Variants in KATNIP observed in about 807,000 individuals in gnomAD.
KATNIP encodes katanin interacting protein.
Under a neutral mutation model 174.0 loss-of-function variants are expected in KATNIP, and 126 were observed. That is an observed-to-expected ratio of 0.72 (90% confidence interval 0.63 to 0.84). The LOEUF (loss-of-function observed/expected upper bound fraction) is 0.84. Among genes scored for constraint, KATNIP ranks in the 40% least tolerant of loss-of-function variants. KATNIP has a pLI of 0.00. For synonymous variants in KATNIP, 810 were observed against 835.7 expected (o/e 0.97, Z 0.53); for missense variants, 1,958 against 2,109.7 (o/e 0.93, Z 1.41).
chr16:27,723,694 A>C (rs1178606997), intron 14 of KATNIP, among the ~76,000 whole-genome samples: 1 of 152,166 alleles, frequency 6.6e-6, no homozygotes, highest in African/African-American at 2.4e-5. Flanking sequence ...ATCCTTACTG[A>C]TATCCAGATG....
intron 4 of KATNIP, among the ~76,000 whole-genome samples, chr16:27,630,313 T>G (rs2076447877): frequency 6.6e-6 from 1 of 152,204 alleles, no homozygotes; most frequent in Admixed American, 6.5e-5. Flanking sequence ...TTAAATGATG[T>G]AAGAAATGTA....
intron 2 of KATNIP, among the ~76,000 whole-genome samples, chr16:27,580,373 A>C (rs551977434): frequency 6.6e-6 from 1 of 152,116 alleles, no homozygotes; most frequent in African/African-American, 2.4e-5. Context: ...TTGGCCTCCC[A>C]AAGTTCTGGG....
At chr16:27,702,859 G>A (rs890702753) in intron 11 of KATNIP, among the ~76,000 whole-genome samples, 7 of 152,076 alleles carry the variant, frequency 4.6e-5, no homozygotes, top group Non-Finnish European at 1.0e-4. Context: ...ATAAGAACTC[G>A]CAGATTCCCC....
chr16:27,762,162 TCCCCTG>T (rs2081977826), intron 19 of KATNIP, among the ~76,000 whole-genome samples: 1 of 152,116 alleles, frequency 6.6e-6, no homozygotes, highest in Non-Finnish European at 1.5e-5. Flanking sequence ...AGCACTCAGT[TCCCCTG>T]CCCTGCACAG....
At chr16:27,603,101 T>C (rs1276057468) in intron 2 of KATNIP, among the ~76,000 whole-genome samples, 2 of 152,228 alleles carry the variant, frequency 1.3e-5, no homozygotes, top group Admixed American at 1.3e-4. Context: ...GCTTGGGCCA[T>C]CTGGTTGTCA....
intron 3 of KATNIP, among the ~76,000 whole-genome samples, chr16:27,622,503 G>A (rs149037240): frequency 3.6e-4 from 55 of 152,262 alleles, no homozygotes; most frequent in South Asian, 1.5e-3. Flanking sequence ...GATGAAGATC[G>A]ACTGAGAAGA....
intron 2 of KATNIP, among the ~76,000 whole-genome samples, chr16:27,602,319 C>T (rs1347517293): frequency 2.0e-5 from 3 of 152,160 alleles, no homozygotes; most frequent in African/African-American, 4.8e-5. Context: ...GCTTCCCGGC[C>T]GCCTCAGCAT....
chr16:27,706,291 A>C (rs1220903379), intron 12 of KATNIP, among the ~76,000 whole-genome samples: 2 of 152,158 alleles, frequency 1.3e-5, no homozygotes, highest in African/African-American at 4.8e-5. Context: ...TAAATCTGTG[A>C]CTGGTGTGCT....
chr16:27,638,211 G>A (rs562959731), intron 5 of KATNIP, among the ~76,000 whole-genome samples: 1 of 152,182 alleles, frequency 6.6e-6, no homozygotes, highest in Non-Finnish European at 1.5e-5. Context: ...TCAGAGACCA[G>A]TTCATTTGGT....
rs1265798318 is a variant in KATNIP at position 27,691,215 on chromosome 16, G to A, written c.941-7113G>A. Among the ~76,000 whole-genome samples the A allele has an allele frequency of 4.6e-5, 7 of 152,156 alleles. No individual in the cohort carries two copies. In the East Asian group the frequency reaches 7.7e-4, roughly 17 times the overall value. ...GGCTGGTGAGCCGACCGGCAGCCTC[G>A]TGCCCTCACGTCTTCTGTGTGACAT... On this transcript the variant is annotated intron_variant, in intron 8 of 27. Coordinates refer to ENST00000261588, the MANE Select transcript of KATNIP (RefSeq NM_015202.5).
intron 23 of KATNIP, 81 bp from the exon 24 acceptor site, chr16:27,774,864 C>T (rs546687933): frequency 4.5e-6 from 7 of 1,556,130 alleles, no homozygotes; most frequent in Admixed American, 3.5e-5. Context: ...CAGAGTCCCC[C>T]GAGCCACGCC....
intron 2 of KATNIP, among the ~76,000 whole-genome samples, chr16:27,579,604 C>T (rs549785567): frequency 6.6e-6 from 1 of 152,212 alleles, no homozygotes; most frequent in South Asian, 2.1e-4. Flanking sequence ...AGGCTGATTC[C>T]AGCCTTCCTG....
intron 8 of KATNIP, among the ~76,000 whole-genome samples, chr16:27,688,561 A>G (rs1428201321): frequency 6.6e-6 from 1 of 152,242 alleles, no homozygotes. Context: ...ACTGCACTCC[A>G]GCCTGGGCAA....
rs1567379143 is a variant in KATNIP, at chr16:27,740,903, A to G, written c.2606A>G (p.Asp869Gly). Reference sequence around the variant, plus strand: ...GCTGGCAGCAGTAGTCATGGGGACGACCAGCCAGCCAGCAGAGGTAAGCTC... The same window carrying G: ...GCTGGCAGCAGTAGTCATGGGGACGGCCAGCCAGCCAGCAGAGGTAAGCTC... ...KDAGSSSHGD[D>G]QPASREDTWS... The change falls in exon 15 of 28, where the codon GAC becomes GGC. Residue 869 changes from aspartate (D) to glycine (G), a missense_variant. Coordinates refer to ENST00000261588, the MANE Select transcript of KATNIP (RefSeq NM_015202.5). 3 of 1,597,308 alleles carry G rather than the reference A, an allele frequency of 1.9e-6. No individual in the cohort carries two copies. In the East Asian group the frequency reaches 6.7e-5, roughly 36 times the overall value.
intron 7 of KATNIP, among the ~76,000 whole-genome samples, chr16:27,680,874 TG>T (rs773036904): frequency 6.6e-6 from 1 of 152,194 alleles, no homozygotes; most frequent in Non-Finnish European, 1.5e-5. Context: ...TTTGTATTTT[TG>T]GTAAAGACAG....
chr16:27,733,802 G>A (rs1034584656), intron 14 of KATNIP, among the ~76,000 whole-genome samples: 2 of 152,128 alleles, frequency 1.3e-5, no homozygotes, highest in African/African-American at 4.8e-5. Flanking sequence ...TCGTAAAGAT[G>A]TCCTTTATAC....
chr16:27,690,363 T>TAGATAGATGATAGATA lies in KATNIP; in HGVS notation c.941-7965_941-7964insAGATAGATGATAGATA, dbSNP rs397837255. ...ATAGATAGATAGATAGATAGATAGA[T>TAGATAGATGATAGATA]GATAGATAGATAGATAGATAGATAG... On this transcript the variant is annotated intron_variant, in intron 8 of 27. Coordinates refer to ENST00000261588, the MANE Select transcript of KATNIP (RefSeq NM_015202.5). Among the ~76,000 whole-genome samples, 324 of 90,982 alleles carry TAGATAGATGATAGATA rather than the reference T, an allele frequency of 3.6e-3. 2 individuals are homozygous for TAGATAGATGATAGATA. The highest frequency in any genetic ancestry group is 5.2e-3 in the Non-Finnish European group (227 of 43,448). The allele number at this position is 90,982 out of a possible 152,430, so 59.7% of individuals were successfully genotyped here.
chr16:27,726,363 A>C (rs559440490), intron 14 of KATNIP, among the ~76,000 whole-genome samples: 137 of 152,334 alleles, frequency 9.0e-4, no homozygotes, highest in African/African-American at 3.1e-3. Flanking sequence ...GATGGTAGAC[A>C]TGTCCTGTAT....
chr16:27,658,999 T>C (rs1945990159), intron 6 of KATNIP, among the ~76,000 whole-genome samples: 1 of 151,632 alleles, frequency 6.6e-6, no homozygotes, highest in Non-Finnish European at 1.5e-5. Context: ...ACTTCTAACC[T>C]CAAGTGATAC....
Sources: allele counts gnomAD v4.1 joint callset (sites outside exome capture counted in the v4.1 genomes callset), GRCh38; gene constraint gnomAD v4.1.1; transcripts MANE v1.5; gene names NCBI Gene and HGNC (gene_info 2026-07-23, HGNC 2026-07-21).